DIAPH2: variants seen among roughly 807,000 people sequenced by gnomAD.
DIAPH2 encodes protein diaphanous homolog 2.
A neutral mutation model predicts 92.7 loss-of-function variants in DIAPH2; 35 were observed. The observed-to-expected ratio is 0.38, with a 90% CI of 0.29 to 0.50. The LOEUF is 0.50. Among genes scored for constraint, DIAPH2 ranks in the 20% least tolerant of loss-of-function variants. The pLI, the probability that DIAPH2 is intolerant of heterozygous loss-of-function variation, is 0.94. For synonymous variants in DIAPH2, 301 were observed against 280.4 expected (o/e 1.07, Z -0.73); for missense variants, 701 against 819.5 (o/e 0.86, Z 1.77).
At position 96,790,867 on chromosome X, in the gene DIAPH2, A is replaced by G. The variant is rs999821824; in HGVS notation, c.447+32609A>G. 5.4e-5 allele frequency among the ~76,000 whole-genome samples: 6 copies of G among 111,794 alleles called. No homozygotes were observed. In the East Asian group the frequency reaches 1.7e-3, roughly 31 times the overall value. ...CAGTGGTTTTGGAGGGCAGTGCTGT[A>G]TGATTGCGCAGAATAGAAATTGATC... On this transcript the variant is annotated intron_variant, in intron 4 of 26. Transcript: ENST00000324765.
intron 13 of DIAPH2, among the ~76,000 whole-genome samples, chrX:96,943,832 G>A (rs1191671280): frequency 5.4e-5 from 6 of 111,283 alleles, no homozygotes; most frequent in Non-Finnish European, 9.5e-5. Flanking sequence ...GAACGGATCA[G>A]GTGAGAGAGG....
At chrX:96,720,991 G>A (rs1348289290) in intron 1 of DIAPH2, among the ~76,000 whole-genome samples, 2 of 111,078 alleles carry the variant, frequency 1.8e-5, no homozygotes, top group Non-Finnish European at 3.8e-5. Context: ...AGGACTCTTA[G>A]GCCTGTGGTT....
At chrX:96,856,195 A>C (rs1018990600) in intron 4 of DIAPH2, among the ~76,000 whole-genome samples, 1 of 111,877 alleles carries the variant, frequency 8.9e-6, no homozygotes, top group Non-Finnish European at 1.9e-5. Flanking sequence ...TTTAATAAGC[A>C]GACTAGCCAT....
At chrX:97,375,602 T>C (rs1478987504) in intron 24 of DIAPH2, among the ~76,000 whole-genome samples, 2 of 112,074 alleles carry the variant, frequency 1.8e-5, no homozygotes, top group African/African-American at 6.5e-5. Context: ...TGATGAAAAG[T>C]TATTGCATAT....
intron 24 of DIAPH2, among the ~76,000 whole-genome samples, chrX:97,378,692 CAG>C (rs1199394780): frequency 9.0e-6 from 1 of 111,663 alleles, no homozygotes; most frequent in Non-Finnish European, 1.9e-5. Flanking sequence ...GTCTGGGTGA[CAG>C]AGGGAGACCC....
chrX:96,733,171 A>G (rs1287010743), intron 1 of DIAPH2, among the ~76,000 whole-genome samples: 1 of 111,993 alleles, frequency 8.9e-6, no homozygotes, highest in Admixed American at 9.5e-5. Flanking sequence ...TGTGGAGCTT[A>G]TATTTTTTGT....
At chrX:96,852,089 A>G (rs1011961831) in intron 4 of DIAPH2, among the ~76,000 whole-genome samples, 9 of 112,357 alleles carry the variant, frequency 8.0e-5, no homozygotes, top group Admixed American at 4.7e-4. Context: ...TATCTAGTCC[A>G]TTTTATATTT....
At chrX:97,448,006 CAA>C (rs1174852457) in intron 26 of DIAPH2, among the ~76,000 whole-genome samples, 4 of 112,047 alleles carry the variant, frequency 3.6e-5, no homozygotes, top group East Asian at 2.8e-4. Context: ...TTTATTGAGA[CAA>C]AATAATTTTC....
At chrX:96,821,905 C>T (rs1047217973) in intron 4 of DIAPH2, among the ~76,000 whole-genome samples, 2 of 111,829 alleles carry the variant, frequency 1.8e-5, no homozygotes, top group African/African-American at 6.5e-5. Flanking sequence ...TTTTCTACAG[C>T]TCTATAATCC....
intron 4 of DIAPH2, among the ~76,000 whole-genome samples, chrX:96,790,936 A>C (rs953422058): frequency 4.5e-5 from 5 of 111,594 alleles, no homozygotes; most frequent in Non-Finnish European, 9.4e-5. Context: ...ACTCCTCATC[A>C]GTGCTGTCTG....
intron 17 of DIAPH2, among the ~76,000 whole-genome samples, chrX:96,999,498 CAAAAAAAAAA>C (rs756579556): frequency 4.2e-5 from 2 of 47,386 alleles, no homozygotes; most frequent in South Asian, 1.3e-3. Context: ...GAGACTGTCT[CAAAAAAAAAA>C]AAAAAAAAAA....
At chrX:97,592,463 T>C (rs6620314) in intron 26 of DIAPH2, among the ~76,000 whole-genome samples, 49,446 of 110,678 alleles carry the variant, frequency 0.45, 8,472 homozygotes, top group Non-Finnish European at 0.55. Context: ...AGCTACTGAA[T>C]TAATAAATCC....
chrX:97,395,942 T>A (rs1001150807), intron 25 of DIAPH2, among the ~76,000 whole-genome samples: 2 of 112,235 alleles, frequency 1.8e-5, no homozygotes, highest in African/African-American at 6.5e-5. Flanking sequence ...GTTACAAATT[T>A]GGCTTTTCTC....
At chrX:96,707,891 C>T in intron 1 of DIAPH2, among the ~76,000 whole-genome samples, 1 of 111,517 alleles carries the variant, frequency 9.0e-6, no homozygotes, top group East Asian at 2.8e-4. Flanking sequence ...GTTTGCAAGG[C>T]ATTTTTCTTT....
intron 24 of DIAPH2, among the ~76,000 whole-genome samples, chrX:97,350,088 T>A (rs886620961): frequency 1.8e-5 from 2 of 110,049 alleles, no homozygotes; most frequent in Non-Finnish European, 3.8e-5. Context: ...GGCGGGTGGA[T>A]CACCTGAGGT....
At chrX:97,299,728 T>TA (rs1296128164) in intron 23 of DIAPH2, among the ~76,000 whole-genome samples, 1 of 112,119 alleles carries the variant, frequency 8.9e-6, no homozygotes, top group Non-Finnish European at 1.9e-5. Context: ...TGTATTTCAA[T>TA]AAAAAAATGA....
intron 22 of DIAPH2, among the ~76,000 whole-genome samples, chrX:97,217,739 A>C (rs1440640147): frequency 1.8e-5 from 2 of 111,719 alleles, no homozygotes; most frequent in Non-Finnish European, 3.8e-5. Context: ...CGAGGTCAAG[A>C]GTTCAAGACC....
chrX:97,232,523 G>A (rs146430583), intron 22 of DIAPH2, among the ~76,000 whole-genome samples: 2,115 of 111,211 alleles, frequency 0.019, 54 homozygotes, highest in African/African-American at 0.065. Flanking sequence ...CATCGCACCC[G>A]GCCCCTCTTT....
chrX:96,802,131 C>T (rs968348877), intron 4 of DIAPH2, among the ~76,000 whole-genome samples: 3 of 112,109 alleles, frequency 2.7e-5, no homozygotes, highest in Non-Finnish European at 5.6e-5. Context: ...AGAGTATCTA[C>T]TTCTACCTAT....
Sources: gnomAD v4.1 joint callset for allele counts (sites outside exome capture counted in the v4.1 genomes callset) on GRCh38, gnomAD v4.1.1 for gene constraint, MANE v1.5 for transcripts, NCBI Gene and HGNC (gene_info 2026-07-23, HGNC 2026-07-21) for gene names.